The following CLIC5 variants were observed in gnomAD, a reference collection of about 807,000 sequenced individuals.
CLIC5 encodes the protein chloride intracellular channel protein 5.
A neutral mutation model predicts 24.7 loss-of-function variants in CLIC5; 20 were observed. That is an observed-to-expected ratio of 0.81 (90% confidence interval 0.57 to 1.18). The LOEUF is 1.18. Among genes scored for constraint, CLIC5 ranks in the 50% most tolerant of loss-of-function variants. The pLI is 0.00. For missense variants in CLIC5, 341 were observed against 326.1 expected, an observed-to-expected ratio of 1.05 and a Z score of -0.35; for synonymous variants, 159 against 135.6, an observed-to-expected ratio of 1.17 and a Z score of -1.20.
chr6:45,912,485 G>A (rs1581723664), intron 5 of CLIC5: 1 of 1,314,418 alleles, frequency 7.6e-7, no homozygotes, highest in East Asian at 3.3e-5. Context: ...GTGAATACAT[G>A]TTTGAGCAAG....
intron 1 of CLIC5, among the ~76,000 whole-genome samples, chr6:46,005,218 T>G (rs1450764549): frequency 6.6e-6 from 1 of 152,262 alleles, no homozygotes; most frequent in East Asian, 1.9e-4. Flanking sequence ...CTCCATTCAC[T>G]GCACATCCTC....
downstream of CLIC5, among the ~76,000 whole-genome samples, chr6:45,895,288 A>G (rs1283921957): frequency 1.3e-5 from 2 of 152,182 alleles, no homozygotes; most frequent in African/African-American, 4.8e-5. Context: ...TTCTAAATAT[A>G]ACACCTAATC....
intron 1 of CLIC5, among the ~76,000 whole-genome samples, chr6:46,063,089 G>A (rs1282170902): frequency 2.0e-5 from 3 of 152,184 alleles, no homozygotes; most frequent in Admixed American, 6.5e-5. Flanking sequence ...ATGGAAACAA[G>A]GGTCAGAAAG....
At chr6:45,881,961 G>T (rs1762266448) in intron 6 of CLIC5, among the ~76,000 whole-genome samples, 1 of 117,488 alleles carries the variant, frequency 8.5e-6, no homozygotes, top group African/African-American at 3.3e-5. Context: ...TACATAGTCA[G>T]AGAAAGAAGA....
In CLIC5 at chr6:45,949,256, T is replaced by C; in HGVS notation, c.299A>G (p.Lys100Arg). ...EFLEETLTPE[K>R]YPKLAAKHRE... ...GCCCCAGAAAGAAACAGATCCTTAC[T>C]TTTCAGGGGTCAAGGTCTCCTCCAG... The change falls in exon 3 of 6, where the codon AAG becomes AGG. Residue 100 changes from lysine to arginine, a missense_variant and splice_region_variant. Lys to Arg is a conservative substitution (Grantham distance 26). Transcript: ENST00000339561. 4.3e-6 allele frequency: 7 copies of C among 1,612,948 alleles called. No individual in the cohort carries two copies. Among genetic ancestry groups the C allele is most frequent in the Non-Finnish European group, 5.1e-6 (6 of 1,179,292 alleles).
the CLIC5 span, among the ~76,000 whole-genome samples, chr6:46,127,900 T>C: frequency 6.6e-6 from 1 of 152,204 alleles, no homozygotes; most frequent in Non-Finnish European, 1.5e-5. Context: ...AATTACATGG[T>C]TCCTGTTGCT....
At chr6:45,987,324 A>C (rs978033090) in intron 1 of CLIC5, among the ~76,000 whole-genome samples, 1 of 152,182 alleles carries the variant, frequency 6.6e-6, no homozygotes, top group Non-Finnish European at 1.5e-5. Flanking sequence ...GTTGGTGTGC[A>C]CACCTAAGCT....
chr6:45,886,715 T>A (rs1762308989), intron 6 of CLIC5, among the ~76,000 whole-genome samples: 1 of 152,198 alleles, frequency 6.6e-6, no homozygotes, highest in South Asian at 2.1e-4. Flanking sequence ...CTGCCTTTAG[T>A]CTCTGGAGAG....
chr6:46,072,032 G>T (rs1762614732), intron 1 of CLIC5, among the ~76,000 whole-genome samples: 2 of 152,040 alleles, frequency 1.3e-5, no homozygotes, highest in South Asian at 4.1e-4. Context: ...GGAGCTAAAT[G>T]ATGAGAACAC....
chr6:45,992,185 T>C (rs1765965325), intron 1 of CLIC5, among the ~76,000 whole-genome samples: 1 of 152,218 alleles, frequency 6.6e-6, no homozygotes, highest in Non-Finnish European at 1.5e-5. Flanking sequence ...CCTCTAAATC[T>C]GACTCTGCCT....
intron 1 of CLIC5, among the ~76,000 whole-genome samples, chr6:46,057,420 T>C (rs553000456): frequency 6.6e-6 from 1 of 152,364 alleles, no homozygotes; most frequent in South Asian, 2.1e-4. Flanking sequence ...TCCCCAGCCA[T>C]GTGGAACTGT....
At chr6:46,050,063 A>G (rs1399305377) in intron 1 of CLIC5, among the ~76,000 whole-genome samples, 1 of 152,118 alleles carries the variant, frequency 6.6e-6, no homozygotes, top group Non-Finnish European at 1.5e-5. Flanking sequence ...CATCACACCA[A>G]TTGCCAATAT....
the CLIC5 span, among the ~76,000 whole-genome samples, chr6:46,115,206 C>T: frequency 9.7e-4 from 147 of 152,260 alleles, no homozygotes; most frequent in Non-Finnish European, 1.4e-3. Flanking sequence ...TCAGCAATGA[C>T]ACCACTATCA....
At chr6:46,048,704 G>C (rs1441543706) in intron 1 of CLIC5, among the ~76,000 whole-genome samples, 1 of 152,120 alleles carries the variant, frequency 6.6e-6, no homozygotes. Flanking sequence ...CTGGGAGGGA[G>C]TTGAGGCTGG....
downstream of CLIC5, chr6:45,880,856 T>G (rs565834176): frequency 3.2e-6 from 1 of 314,650 alleles, no homozygotes; most frequent in Admixed American, 4.9e-5. Flanking sequence ...TTAATTGAAC[T>G]GCAGCAGGGA....
chr6:45,938,132 T>A (rs567945953), intron 4 of CLIC5, among the ~76,000 whole-genome samples: 2 of 152,120 alleles, frequency 1.3e-5, no homozygotes, highest in East Asian at 1.9e-4. Context: ...GGGAAAAAAA[T>A]GGCAAAGTAA....
At chr6:46,108,109 C>G in the CLIC5 span, among the ~76,000 whole-genome samples, 1 of 141,946 alleles carries the variant, frequency 7.0e-6, no homozygotes, top group Non-Finnish European at 1.5e-5. Context: ...AATTATAAGA[C>G]GTTAAAAAGG....
intron 1 of CLIC5, among the ~76,000 whole-genome samples, chr6:46,058,996 G>T (rs1377951775): frequency 6.6e-6 from 1 of 152,136 alleles, no homozygotes; most frequent in Non-Finnish European, 1.5e-5. Flanking sequence ...GAAGCTGTGG[G>T]GTTTTTTCTA....
intron 5 of CLIC5, among the ~76,000 whole-genome samples, chr6:45,908,698 G>A (rs1762728907): frequency 1.3e-5 from 2 of 152,062 alleles, no homozygotes; most frequent in Non-Finnish European, 2.9e-5. Flanking sequence ...TGAGCATGTG[G>A]TTGATCTTGG....
Sources: gnomAD v4.1 joint callset for allele counts (sites outside exome capture counted in the v4.1 genomes callset) on GRCh38, gnomAD v4.1.1 for gene constraint, MANE v1.5 for transcripts, NCBI Gene and HGNC (gene_info 2026-07-23, HGNC 2026-07-21) for gene names.